FLI1: variants seen among roughly 807,000 people sequenced by gnomAD.
FLI1 encodes the protein Fli-1 proto-oncogene, ETS transcription factor.
Under a neutral mutation model 53.1 loss-of-function variants are expected in FLI1, and 13 were observed. The ratio of observed to expected loss-of-function variants is 0.24; its 90% CI spans 0.16 to 0.39. FLI1 has a LOEUF of 0.39. Ranked by LOEUF, FLI1 falls within the 10% of genes least tolerant of loss-of-function variation. The pLI, the probability that FLI1 is intolerant of heterozygous loss-of-function variation, is 1.00. For synonymous variants in FLI1, 244 were observed against 236.7 expected (o/e 1.03, Z -0.28); for missense variants, 424 against 600.5 (o/e 0.71, Z 3.07).
intron 1 of FLI1, among the ~76,000 whole-genome samples, chr11:128,756,658 A>G (rs1351000961): frequency 6.6e-6 from 1 of 152,316 alleles, no homozygotes; most frequent in East Asian, 1.9e-4. Context: ...TATCACAACT[A>G]TTATCACAAT....
chr11:128,756,152 C>A (rs528210202), intron 1 of FLI1, among the ~76,000 whole-genome samples: 1 of 152,308 alleles, frequency 6.6e-6, no homozygotes, highest in South Asian at 2.1e-4. Flanking sequence ...GGTGGTGTAT[C>A]CATTTGCTAG....
chr11:128,810,730 G>A lies in FLI1; in HGVS notation c.1101G>A (p.Gln367=), dbSNP rs775203255. The A allele has an allele frequency of 2.5e-6, 4 of 1,614,050 alleles. No homozygotes were observed. Among genetic ancestry groups the A allele is most frequent in the Admixed American group, 1.7e-5 (1 of 60,032 alleles). The part of the protein sequence containing the change: ...AYKFDFHGIA[Q]ALQPHPTESS... ...AATTTGACTTCCACGGCATTGCCCA[G>A]GCTCTGCAGCCACATCCGACCGAGT... The change falls in exon 9 of 9, where the codon CAG becomes CAA. Residue 367 remains glutamine (Q), a synonymous_variant. Coordinates refer to ENST00000527786, the MANE Select transcript of FLI1 (RefSeq NM_002017.5). The surrounding 1 kb of genome is among the most constrained non-coding windows in gnomAD (Gnocchi z 6.6).
chr11:128,768,473 G>A (rs1489086595), intron 3 of FLI1: 1 of 584,660 alleles, frequency 1.7e-6, no homozygotes, highest in Admixed American at 2.8e-5. Flanking sequence ...CTTGTCAGGA[G>A]TTCAAGACCA....
At chr11:128,788,644 C>G (rs1225688209) in intron 5 of FLI1, among the ~76,000 whole-genome samples, 1 of 152,158 alleles carries the variant, frequency 6.6e-6, no homozygotes, top group Admixed American at 6.5e-5. Flanking sequence ...CTCCAAATCC[C>G]TTATAGAACA....
At chr11:128,803,113 A>G (rs966936968) in intron 5 of FLI1, among the ~76,000 whole-genome samples, 1 of 140,660 alleles carries the variant, frequency 7.1e-6, no homozygotes, top group East Asian at 2.1e-4. Context: ...AGAAGTTCAG[A>G]TGACATGTAC....
intron 8 of FLI1, among the ~76,000 whole-genome samples, chr11:128,809,591 T>A (rs1298571904): frequency 1.3e-5 from 2 of 152,176 alleles, no homozygotes; most frequent in African/African-American, 4.8e-5. Context: ...TTCCAAAGGG[T>A]TTTATTTGTG....
At position 128,751,825 on chromosome 11, in the gene FLI1, G is replaced by GT. The variant is rs1234798086; in HGVS notation, c.19-6290_19-6289insT. On this transcript the variant is annotated intron_variant, in intron 1 of 8. Coordinates refer to ENST00000527786, the MANE Select transcript of FLI1 (RefSeq NM_002017.5). Reference sequence around the variant, plus strand: ...TTACAGGCGTGGGTTTTTTTTTTTGGGTTTGTTTTTTTTTTTTTGTAGAGA... The same window carrying GT: ...TTACAGGCGTGGGTTTTTTTTTTTGGTGTTTGTTTTTTTTTTTTTGTAGAGA... Among the ~76,000 whole-genome samples the GT allele has an allele frequency of 3.4e-3, 475 of 140,740 alleles. 11 individuals are homozygous for GT. Among genetic ancestry groups the GT allele is most frequent in the African/African-American group, 0.011 (395 of 36,458 alleles). 92.3% of individuals were successfully genotyped at this position (140,740 alleles called of 152,430 possible).
At chr11:128,809,041 C>A in intron 7 of FLI1, 116 bp from the exon 8 acceptor site, 1 of 729,106 alleles carries the variant, frequency 1.4e-6, no homozygotes. Context: ...TTTCTGAAAT[C>A]AGTCTTTCCT....
chr11:128,764,652 C>T (rs749536637), intron 2 of FLI1: 13 of 1,532,660 alleles, frequency 8.5e-6, no homozygotes, highest in Non-Finnish European at 1.0e-5. Context: ...TCTTCACAGG[C>T]GCCAGCTGCC....
At chr11:128,686,119 G>A, upstream of FLI1, 1 of 335,196 alleles carries the variant, frequency 3.0e-6, no homozygotes, top group Admixed American at 3.9e-5. Context: ...GCTGGATGCT[G>A]GCAGAGAAAG....
chr11:128,772,249 T>G (rs1310535166), intron 3 of FLI1, among the ~76,000 whole-genome samples: 2 of 152,228 alleles, frequency 1.3e-5, no homozygotes, highest in Non-Finnish European at 2.9e-5. Context: ...GGTAGAAATT[T>G]CTACACAGCT....
rs747527648 is a variant in FLI1, at chr11:128,809,229, C to T, written c.829+25C>T. The T allele has an allele frequency of 6.8e-6, 11 of 1,609,044 alleles. No individual in the cohort carries two copies. The Admixed American group carries it at 1.2e-4, about 17-fold the overall frequency. On this transcript the variant is annotated intron_variant, in intron 8 of 8. Coordinates refer to ENST00000527786, the MANE Select transcript of FLI1 (RefSeq NM_002017.5). ...GGTGAGTTTACCTTGGCCTGCAAGC[C>T]TTTTTTGCCAGAATGTTTCGTAGCT...
intron 3 of FLI1, chr11:128,768,494 C>T (rs1365911074): frequency 2.5e-5 from 13 of 514,938 alleles, no homozygotes; most frequent in Middle Eastern, 5.2e-4. Flanking sequence ...GCCTAGCCAA[C>T]GTGGTGAAAC....
At chr11:128,705,610 T>C (rs1175627400) in intron 1 of FLI1, among the ~76,000 whole-genome samples, 2 of 152,212 alleles carry the variant, frequency 1.3e-5, no homozygotes, top group Non-Finnish European at 2.9e-5. Context: ...AAGGAAATCA[T>C]TGAGTAGGGC....
intron 5 of FLI1, among the ~76,000 whole-genome samples, chr11:128,782,865 C>T (rs80108339): frequency 7.6e-4 from 115 of 152,208 alleles, no homozygotes; most frequent in African/African-American, 2.7e-3. Context: ...TATGAAACAT[C>T]GTGAGGAGTG....
intron 1 of FLI1, among the ~76,000 whole-genome samples, chr11:128,731,714 C>T (rs1273654737): frequency 6.6e-6 from 1 of 152,176 alleles, no homozygotes; most frequent in Non-Finnish European, 1.5e-5. Context: ...TTTCAAAATG[C>T]TTAAGTAGAT....
chr11:128,767,983 A>G, intron 2 of FLI1, 135 bp from the exon 3 acceptor site: 1 of 705,566 alleles, frequency 1.4e-6, no homozygotes, highest in South Asian at 2.0e-5. Context: ...GGGCATCATC[A>G]TCATCATGAC....
At chr11:128,750,685 C>G (rs772745132) in intron 1 of FLI1, among the ~76,000 whole-genome samples, 15 of 152,214 alleles carry the variant, frequency 9.9e-5, no homozygotes, top group Non-Finnish European at 2.2e-4. Context: ...GGCCAGGCCA[C>G]TGTGCGGCCA....
At chr11:128,711,482 C>A (rs1938782059) in intron 1 of FLI1, among the ~76,000 whole-genome samples, 1 of 152,178 alleles carries the variant, frequency 6.6e-6, no homozygotes, top group Non-Finnish European at 1.5e-5. Flanking sequence ...TCTCTGCTGA[C>A]CTTTAAGAAT....
Sources: allele counts gnomAD v4.1 joint callset (sites outside exome capture counted in the v4.1 genomes callset), GRCh38; gene constraint gnomAD v4.1.1; non-coding constraint Gnocchi (gnomAD v3.1); transcripts MANE v1.5; gene names NCBI Gene and HGNC (gene_info 2026-07-23, HGNC 2026-07-21).